SGCD: variants seen among roughly 807,000 people sequenced by gnomAD.
The protein encoded by SGCD is sarcoglycan delta, also known as delta-sarcoglycan.
A neutral mutation model predicts 36.6 loss-of-function variants in SGCD; 18 were observed. That is an observed-to-expected ratio of 0.49 (90% CI 0.34 to 0.73). The LOEUF (loss-of-function observed/expected upper bound fraction) is 0.73, where lower values mean the gene tolerates loss of function less well. SGCD is among the 30% of genes least tolerant of loss of function. The probability of loss-of-function intolerance (pLI) is 0.01; values close to 1 mark genes in which losing one functional copy is unlikely to be tolerated. For synonymous variants in SGCD, 133 were observed against 130.6 expected (o/e 1.02, Z -0.12); for missense variants, 387 against 346.7 (o/e 1.12, Z -0.92).
intron 1 of SGCD, among the ~76,000 whole-genome samples, chr5:156,016,007 A>G (rs1273053670): frequency 6.6e-6 from 1 of 151,934 alleles, no homozygotes; most frequent in Non-Finnish European, 1.5e-5. Flanking sequence ...TTAAAATACA[A>G]TAACCTGACC....
chr5:155,944,844 G>C (rs994833262), intron 1 of SGCD, among the ~76,000 whole-genome samples: 8 of 151,948 alleles, frequency 5.3e-5, no homozygotes, highest in African/African-American at 1.2e-4. Context: ...TTTGAAGTTA[G>C]GCTAATCTTT....
At chr5:155,868,360 CT>C (rs10532701), upstream of SGCD, among the ~76,000 whole-genome samples, 7,696 of 110,636 alleles carry the variant, frequency 0.07, 485 homozygotes, top group African/African-American at 0.19. Context: ...CCCTTTTTTT[CT>C]TTTTTTTTTT....
chr5:156,010,520 T>A (rs1758837059), intron 1 of SGCD, among the ~76,000 whole-genome samples: 1 of 152,224 alleles, frequency 6.6e-6, no homozygotes, highest in Non-Finnish European at 1.5e-5. Flanking sequence ...TTTCAGATAG[T>A]TGACATCTAA....
chr5:155,843,306 CTTGA>C, the SGCD span, among the ~76,000 whole-genome samples: 1 of 151,970 alleles, frequency 6.6e-6, no homozygotes, highest in Non-Finnish European at 1.5e-5. Flanking sequence ...GGCCTATTTC[CTTGA>C]TTGAGCACTA....
At chr5:156,604,919 T>C (rs964577294) in intron 6 of SGCD, among the ~76,000 whole-genome samples, 12 of 151,282 alleles carry the variant, frequency 7.9e-5, no homozygotes, top group Non-Finnish European at 1.6e-4. Context: ...ATTTTAGTTG[T>C]TATTGTTTTT....
chr5:156,565,758 C>G (rs1321302035), intron 4 of SGCD, among the ~76,000 whole-genome samples: 1 of 151,874 alleles, frequency 6.6e-6, no homozygotes, highest in African/African-American at 2.4e-5. Context: ...CATGTGTTCT[C>G]ATAGTTCAAC....
intron 3 of SGCD, among the ~76,000 whole-genome samples, chr5:156,434,660 G>C (rs1248201020): frequency 2.0e-5 from 3 of 152,176 alleles, no homozygotes; most frequent in African/African-American, 7.2e-5. Flanking sequence ...GGAATGTGAT[G>C]ATGGCCACAG....
intron 4 of SGCD, among the ~76,000 whole-genome samples, chr5:156,539,791 G>T (rs1758277652): frequency 6.6e-6 from 1 of 152,012 alleles, no homozygotes; most frequent in African/African-American, 2.4e-5. Context: ...TGGGATTGCT[G>T]TATCTATTTT....
the SGCD span, among the ~76,000 whole-genome samples, chr5:155,730,063 G>A: frequency 6.6e-6 from 1 of 152,088 alleles, no homozygotes; most frequent in Non-Finnish European, 1.5e-5. Context: ...GGCAGGTATG[G>A]GCATACACGT....
chr5:156,256,907 G>T (rs1177298475), intron 3 of SGCD, among the ~76,000 whole-genome samples: 6 of 152,146 alleles, frequency 3.9e-5, no homozygotes, highest in Admixed American at 3.9e-4. Flanking sequence ...GGCTGAGCGT[G>T]GTGGCTCACA....
At chr5:156,629,855 C>CTTTTTTTT (rs560099325) in intron 6 of SGCD, among the ~76,000 whole-genome samples, 5 of 85,604 alleles carry the variant, frequency 5.8e-5, no homozygotes, top group African/African-American at 8.8e-5. Flanking sequence ...GAGACTTTTT[C>CTTTTTTTT]TTTTTTTTTT....
intron 1 of SGCD, among the ~76,000 whole-genome samples, chr5:155,947,156 C>T (rs1157738797): frequency 1.3e-5 from 2 of 152,136 alleles, no homozygotes; most frequent in African/African-American, 4.8e-5. Flanking sequence ...CCTTTAGCTA[C>T]TATGGCATTG....
At chr5:156,317,342 A>G (rs570303556) in intron 3 of SGCD, among the ~76,000 whole-genome samples, 3 of 152,274 alleles carry the variant, frequency 2.0e-5, no homozygotes, top group East Asian at 1.9e-4. Context: ...CTGCTGTTCT[A>G]CTTTACAGAG....
At chr5:155,841,717 AT>A in the SGCD span, among the ~76,000 whole-genome samples, 21 of 151,914 alleles carry the variant, frequency 1.4e-4, no homozygotes, top group Non-Finnish European at 2.5e-4. Context: ...ATTTTCCCCC[AT>A]TTTATAGGTT....
chr5:155,802,359 T>A, the SGCD span, among the ~76,000 whole-genome samples: 1 of 152,204 alleles, frequency 6.6e-6, no homozygotes, highest in Non-Finnish European at 1.5e-5. Context: ...CTCCATAGGC[T>A]TATTGAATTT....
At chr5:156,353,548 A>T (rs17053462) in intron 3 of SGCD, among the ~76,000 whole-genome samples, 81 of 152,190 alleles carry the variant, frequency 5.3e-4, no homozygotes, top group African/African-American at 1.9e-3. Flanking sequence ...AAGTGATATT[A>T]TTGGCATTAG....
chr5:156,177,594 A>G (rs1763504484), intron 3 of SGCD, among the ~76,000 whole-genome samples: 1 of 152,198 alleles, frequency 6.6e-6, no homozygotes, highest in Non-Finnish European at 1.5e-5. Context: ...TAATTTATAT[A>G]CAATGTACTG....
At chr5:156,260,848 C>T (rs923563468) in intron 3 of SGCD, among the ~76,000 whole-genome samples, 1 of 151,930 alleles carries the variant, frequency 6.6e-6, no homozygotes, top group Non-Finnish European at 1.5e-5. Context: ...AGAGGAAATT[C>T]TTTCTATTTC....
At chr5:156,551,676 T>C (rs942341282) in intron 4 of SGCD, among the ~76,000 whole-genome samples, 1 of 152,150 alleles carries the variant, frequency 6.6e-6, no homozygotes, top group Admixed American at 6.6e-5. Flanking sequence ...ATGCATGATC[T>C]TGGTTTTTTT....
Sources: gnomAD v4.1 joint callset for allele counts (sites outside exome capture counted in the v4.1 genomes callset) on GRCh38, gnomAD v4.1.1 for gene constraint, MANE v1.5 for transcripts, NCBI Gene and HGNC (gene_info 2026-07-23, HGNC 2026-07-21) for gene names.